Variants in TBC1D31 observed in about 807,000 individuals in gnomAD.
The protein encoded by TBC1D31 is TBC1 domain family member 31, also known as WD repeat domain 67.
In TBC1D31, 99 loss-of-function variants were observed where a neutral mutation model predicts 132.9. The ratio of observed to expected loss-of-function variants is 0.74; its 90% confidence interval spans 0.63 to 0.88. The LOEUF (loss-of-function observed/expected upper bound fraction) is 0.88, where lower values mean the gene tolerates loss of function less well. Ranked by LOEUF, TBC1D31 falls within the 40% of genes least tolerant of loss-of-function variation. The pLI is 0.00. For synonymous variants in TBC1D31, 385 were observed against 419.4 expected (o/e 0.92, Z 1.00); for missense variants, 1,134 against 1,256.6 (o/e 0.90, Z 1.48).
At position 123,150,096 on chromosome 8, in the gene TBC1D31, A is replaced by G. The variant is rs1446260330; in HGVS notation, c.3035A>G (p.Asn1012Ser). The G allele has an allele frequency of 2.5e-6, 4 of 1,613,930 alleles. No individual in the cohort carries two copies. The Admixed American group carries it at 6.7e-5, about 27-fold the overall frequency. ...SSCLPRTSQL[N>S]DSSEMDPSTQ... ...TGTTTGCCTAGAACCTCACAATTAA[A>G]TGACTCTTCTGAAATGGATCCCTCA... The change falls in exon 21 of 22, where the codon AAT becomes AGT. Residue 1012 changes from asparagine to serine, a missense_variant. Physicochemically the swap from Asn to Ser is conservative, Grantham distance 46. Transcript: ENST00000287380.
In TBC1D31 at chr8:123,099,124, T is replaced by C. The variant is rs552936542; in HGVS notation, c.831+1683T>C. Among the ~76,000 whole-genome samples, 293 of 152,318 alleles carry C rather than the reference T, an allele frequency of 1.9e-3. 1 individual carries two copies. Among genetic ancestry groups the C allele is most frequent in the African/African-American group, 6.7e-3 (280 of 41,570 alleles). The stretch of plus-strand genomic sequence containing the variant: ...TTTTTTTTTGTTTTGGTTTGGTTTT[T>C]GGTTTTTGGTTTTGAGACGGAGTCT... On this transcript the variant is annotated intron_variant, in intron 6 of 21. Coordinates refer to ENST00000287380, the MANE Select transcript of TBC1D31 (RefSeq NM_145647.4).
chr8:123,105,524 T>C (rs773429648), intron 8 of TBC1D31, 60 bp downstream of exon 8: 48 of 1,376,920 alleles, frequency 3.5e-5, no homozygotes, highest in Non-Finnish European at 4.5e-5. Context: ...TCTTGTGATT[T>C]CTAAGCCATC....
At chr8:123,157,309 T>A in the TBC1D31 span, among the ~76,000 whole-genome samples, 1 of 152,148 alleles carries the variant, frequency 6.6e-6, no homozygotes, top group African/African-American at 2.4e-5. Flanking sequence ...AGGCACCTAG[T>A]AAGGGTTTCC....
intron 10 of TBC1D31, among the ~76,000 whole-genome samples, chr8:123,119,454 T>A (rs999759796): frequency 2.0e-5 from 3 of 152,248 alleles, no homozygotes; most frequent in Non-Finnish European, 4.4e-5. Flanking sequence ...CTCACGCCTC[T>A]AATCCCAGCA....
intron 7 of TBC1D31, among the ~76,000 whole-genome samples, chr8:123,105,001 T>A (rs898285267): frequency 6.6e-6 from 1 of 152,192 alleles, no homozygotes; most frequent in South Asian, 2.1e-4. Context: ...TGTGTAAACA[T>A]GATTTGGTAT....
chr8:123,140,656 G>T, intron 17 of TBC1D31, 105 bp from the exon 18 acceptor site: 170 of 848,738 alleles, frequency 2.0e-4, no homozygotes, highest in East Asian at 4.4e-4. Context: ...AAAATTAGAT[G>T]ATTACAGCTT....
rs1586637848 is a variant in TBC1D31 at position 123,108,359 on chromosome 8, A to C, written c.1210-958A>C. On this transcript the variant is annotated intron_variant, in intron 8 of 21. Transcript: ENST00000287380. Reference sequence around the variant, plus strand: ...ATAAAATATTTTTTATTAAGATAAAAATTGACTTTAAAGTCTTAGATATAA... The same window carrying C: ...ATAAAATATTTTTTATTAAGATAAACATTGACTTTAAAGTCTTAGATATAA... 2.6e-5 allele frequency among the ~76,000 whole-genome samples: 4 copies of C among 152,300 alleles called. No individual in the cohort carries two copies. The East Asian group carries it at 7.7e-4, about 29-fold the overall frequency.
At chr8:123,118,900 A>AT (rs1819207141) in intron 10 of TBC1D31, among the ~76,000 whole-genome samples, 1 of 152,062 alleles carries the variant, frequency 6.6e-6, no homozygotes, top group Admixed American at 6.5e-5. Flanking sequence ...ATTTTTAAAA[A>AT]TTTTTTGTAG....
At chr8:123,099,255 G>A (rs181464365) in intron 6 of TBC1D31, among the ~76,000 whole-genome samples, 235 of 152,214 alleles carry the variant, frequency 1.5e-3, no homozygotes, top group African/African-American at 4.7e-3. Context: ...GAGTAGCTGG[G>A]ACTATAGGCG....
At chr8:123,161,047 C>G in the TBC1D31 span, among the ~76,000 whole-genome samples, 31 of 152,240 alleles carry the variant, frequency 2.0e-4, no homozygotes, top group African/African-American at 6.7e-4. Context: ...GGGAGTGGGG[C>G]CGCGCAGGGA....
chr8:123,139,103 T>A (rs915688226), intron 17 of TBC1D31, among the ~76,000 whole-genome samples: 1 of 148,878 alleles, frequency 6.7e-6, no homozygotes, highest in Non-Finnish European at 1.5e-5. Flanking sequence ...CCACTATGCC[T>A]GGCACATATT....
At chr8:123,139,701 T>A (rs1037185266) in intron 17 of TBC1D31, among the ~76,000 whole-genome samples, 1 of 152,174 alleles carries the variant, frequency 6.6e-6, no homozygotes, top group African/African-American at 2.4e-5. Flanking sequence ...GCCTTACACA[T>A]GCACATGACC....
At chr8:123,105,934 C>G (rs916064961) in intron 8 of TBC1D31, among the ~76,000 whole-genome samples, 1 of 152,098 alleles carries the variant, frequency 6.6e-6, no homozygotes, top group Non-Finnish European at 1.5e-5. Flanking sequence ...TCCCTCACCC[C>G]CACCCACCCC....
intron 20 of TBC1D31, among the ~76,000 whole-genome samples, chr8:123,147,606 G>A (rs1822345676): frequency 6.6e-6 from 1 of 152,148 alleles, no homozygotes; most frequent in African/African-American, 2.4e-5. Context: ...CCTCCATGAT[G>A]TCTTCCCTTC....
intron 6 of TBC1D31, among the ~76,000 whole-genome samples, chr8:123,100,437 CTG>C (rs1817281543): frequency 6.6e-6 from 1 of 151,978 alleles, no homozygotes; most frequent in Non-Finnish European, 1.5e-5. Context: ...TTAGCCGGGC[CTG>C]GTGACACATG....
At chr8:123,076,083 C>CT (rs1814481976) in intron 1 of TBC1D31, among the ~76,000 whole-genome samples, 1 of 152,058 alleles carries the variant, frequency 6.6e-6, no homozygotes, top group Non-Finnish European at 1.5e-5. Context: ...CTGTATTCAT[C>CT]TTTTTTTCCC....
intron 19 of TBC1D31, among the ~76,000 whole-genome samples, chr8:123,143,185 T>G (rs1821868585): frequency 6.6e-6 from 1 of 152,170 alleles, no homozygotes; most frequent in South Asian, 2.1e-4. Context: ...ATGTTCTGCC[T>G]CCCATCTGAG....
At position 123,097,348 on chromosome 8, in the gene TBC1D31, G is replaced by A; in HGVS notation, c.738G>A (p.Arg246=). 1 of 1,614,118 alleles carries A rather than the reference G, an allele frequency of 6.2e-7. No homozygotes were observed. The highest frequency in any genetic ancestry group is 1.1e-5 in the South Asian group (1 of 91,086). Residue 246 remains arginine, a synonymous_variant, in exon 6 of 22, where the codon AGG becomes AGA. Coordinates refer to ENST00000287380, the MANE Select transcript of TBC1D31 (RefSeq NM_145647.4). ...NHLHLWCLEA[R]QLFRIIQMPT... ...TTCATTTGTGGTGCTTGGAAGCTAG[G>A]CAGCTCTTTAGAATTATCCAGATGC... is the stretch of plus-strand genomic sequence containing the variant.
intron 1 of TBC1D31, chr8:123,073,489 C>G (rs1026169288): frequency 2.1e-5 from 9 of 437,454 alleles, no homozygotes; most frequent in Non-Finnish European, 4.1e-5. Context: ...GTACGGCCAG[C>G]GCTGCTTTTC....
Sources: gnomAD v4.1 joint callset for allele counts (sites outside exome capture counted in the v4.1 genomes callset) on GRCh38, gnomAD v4.1.1 for gene constraint, MANE v1.5 for transcripts, NCBI Gene and HGNC (gene_info 2026-07-23, HGNC 2026-07-21) for gene names.